Variants in ATM observed in about 807,000 individuals in gnomAD.
ATM encodes serine-protein kinase ATM.
ATM carries 308 observed loss-of-function variants against 387.0 expected under a neutral mutation model. The ratio of observed to expected loss-of-function variants is 0.80; its 90% CI spans 0.73 to 0.87. ATM has a LOEUF of 0.87. Among genes scored for constraint, ATM ranks in the 40% least tolerant of loss-of-function variants. ATM has a pLI of 0.00. For synonymous variants in ATM, 1,156 were observed against 1,187.3 expected, an observed-to-expected ratio of 0.97 and a Z score of 0.54; for missense variants, 3,312 against 3,560.9, an observed-to-expected ratio of 0.93 and a Z score of 1.78.
intron 36 of ATM, among the ~76,000 whole-genome samples, chr11:108,304,014 A>C (rs2083554362): frequency 6.6e-6 from 1 of 152,208 alleles, no homozygotes; most frequent in Non-Finnish European, 1.5e-5. Flanking sequence ...AAGTATGATG[A>C]ATATGATGGA....
At chr11:108,287,505 A>T in intron 26 of ATM, 95 bp from the exon 27 acceptor site, 1 of 747,026 alleles carries the variant, frequency 1.3e-6, no homozygotes, top group East Asian at 2.7e-5. Flanking sequence ...CAGTCATCGA[A>T]TACTTTTGGA....
rs754206007 is a variant in ATM, at chr11:108,258,981, T to C, written c.2377-5T>C. 1.9e-6 allele frequency: 3 copies of C among 1,611,220 alleles called. No individual in the cohort carries two copies. In the South Asian group the frequency reaches 3.3e-5, roughly 18 times the overall value. Reference sequence around the variant, plus strand: ...TGCTTGGTTCTTTGTTTGTCTTAATTGCAGAAGAGTCCAAATAAGATTGCA... The same window carrying C: ...TGCTTGGTTCTTTGTTTGTCTTAATCGCAGAAGAGTCCAAATAAGATTGCA... On this transcript the variant is annotated splice_region_variant and splice_polypyrimidine_tract_variant and intron_variant, in intron 15 of 62. Transcript: ENST00000675843.
intron 61 of ATM, among the ~76,000 whole-genome samples, chr11:108,357,015 G>A (rs1320638169): frequency 6.6e-6 from 1 of 152,214 alleles, no homozygotes; most frequent in East Asian, 1.9e-4. Context: ...GGTGATTTCT[G>A]CATTTCCATC....
Position 108,367,307 on chromosome 11 carries a change from C to T in ATM, c.*1799C>T, listed in dbSNP as rs114847811. On this transcript the variant is annotated 3_prime_UTR_variant, in exon 63 of 63. Coordinates refer to ENST00000675843, the MANE Select transcript of ATM (RefSeq NM_000051.4). ...CGGCCTCATTCCCCTCATTTTTGAC[C>T]GTAAGGATTTCCCCTTTCTTGTAAG... is the stretch of plus-strand genomic sequence containing the variant. The T allele has an allele frequency of 5.9e-3, 1,067 of 182,350 alleles. 16 individuals are homozygous for T. Among genetic ancestry groups the T allele is most frequent in the African/African-American group, 0.023 (975 of 42,532 alleles). 11.3% of individuals were successfully genotyped at this position (182,350 alleles called of 1,614,324 possible). A position where few individuals can be genotyped will look rare whatever the true frequency, so the allele number is the denominator to read the frequency against.
intron 59 of ATM, 42 bp from the exon 60 acceptor site, chr11:108,353,724 T>C: frequency 6.8e-7 from 1 of 1,462,658 alleles, no homozygotes; most frequent in Non-Finnish European, 9.6e-7. Context: ...GAAAGTAAAT[T>C]AGCTGTCAAA....
rs56326800 is a variant in ATM at position 108,227,539 on chromosome 11, T to C, written c.-30-56T>C. 1,109 of 1,097,380 alleles carry C rather than the reference T, an allele frequency of 1.0e-3. 16 individuals are homozygous for C. In the South Asian group the frequency reaches 0.014, roughly 14 times the overall value. 68.0% of individuals were successfully genotyped at this position (1,097,380 alleles called of 1,614,324 possible). A position where few individuals can be genotyped will look rare whatever the true frequency, so the allele number is the denominator to read the frequency against. ...ACACATTTTTTCACACCTCTTTCTC[T>C]CTATATATGCATATATACATATACA... is the stretch of plus-strand genomic sequence containing the variant. On this transcript the variant is annotated intron_variant, in intron 1 of 62. Transcript: ENST00000675843.
chr11:108,341,389 A>G (rs2087558934), intron 56 of ATM, among the ~76,000 whole-genome samples: 2 of 152,040 alleles, frequency 1.3e-5, no homozygotes, highest in South Asian at 2.1e-4. Context: ...TATACTTATT[A>G]TCTAATATTA....
At chr11:108,247,166 G>T in intron 8 of ATM, 39 bp downstream of exon 8, 1 of 1,609,418 alleles carries the variant, frequency 6.2e-7, no homozygotes, top group Non-Finnish European at 8.5e-7. Flanking sequence ...GAAATTTCCT[G>T]TTAATTTTTT....
Position 108,307,882 on chromosome 11 carries a change from A to G in ATM, c.5675-15A>G, listed in dbSNP as rs1565485867. On this transcript the variant is annotated splice_polypyrimidine_tract_variant and intron_variant, in intron 37 of 62. Transcript: ENST00000675843. The stretch of plus-strand genomic sequence containing the variant: ...AGAATGCCTGGGACTGAGGGGAGAT[A>G]TTTTTGTTTGTCAGAGTCAGAGCAC... 5 of 1,599,726 alleles carry G rather than the reference A, an allele frequency of 3.1e-6. No homozygotes were observed. Among genetic ancestry groups the G allele is most frequent in the Non-Finnish European group, 4.3e-6 (5 of 1,167,366 alleles).
At chr11:108,352,251 G>C (rs1436667616) in intron 59 of ATM, among the ~76,000 whole-genome samples, 2 of 152,108 alleles carry the variant, frequency 1.3e-5, no homozygotes, top group African/African-American at 2.4e-5. Flanking sequence ...AACACTGAAG[G>C]AACAATTACA....
Position 108,292,791 on chromosome 11 carries a change from C to T in ATM, c.4609C>T (p.Gln1537Ter), listed in dbSNP as rs1555100037. The change falls in exon 30 of 63, where the codon CAG becomes TAG. Residue 1537 changes from glutamine to a stop codon, truncating the protein, a stop_gained and splice_region_variant. Transcript: ENST00000675843. LOFTEE classifies it high-confidence loss of function. Reference protein sequence around the residue: ...LVYEQVEVQKQVLDLLKYLVI... With the variant: ...LVYEQVEVQK ...GTATGAGCAGGTGGAGGTTCAGAAA[C>T]AGGTAATTTTCTGACTCATCTTCAA... is the stretch of plus-strand genomic sequence containing the variant. 1 of 1,613,746 alleles carries T rather than the reference C, an allele frequency of 6.2e-7. No homozygotes were observed. The highest frequency in any genetic ancestry group is 8.5e-7 in the Non-Finnish European group (1 of 1,179,806).
intron 26 of ATM, chr11:108,287,380 T>C (rs917847855): frequency 1.1e-5 from 4 of 365,940 alleles, no homozygotes; most frequent in African/African-American, 8.5e-5. Flanking sequence ...GGGGCCTTGT[T>C]TGGCTGATTT....
rs1417555364 is a variant in ATM, at chr11:108,367,746, T to G, written c.*2238T>G. The G allele has an allele frequency of 9.2e-6, 2 of 217,010 alleles. No homozygotes were observed. The highest frequency in any genetic ancestry group is 2.3e-5 in the African/African-American group (1 of 44,424). The allele number at this position is 217,010 out of a possible 1,614,324, so 13.4% of individuals were successfully genotyped here. A position where few individuals can be genotyped will look rare whatever the true frequency, so the allele number is the denominator to read the frequency against. On this transcript the variant is annotated 3_prime_UTR_variant, in exon 63 of 63. Coordinates refer to ENST00000675843, the MANE Select transcript of ATM (RefSeq NM_000051.4). ...CTCCCCTAAAACCAATCTCCAGAAC[T>G]TTTTGGACTATAAATTTCTTGGTTT...
rs1060501683 is a variant in ATM at position 108,289,698 on chromosome 11, T to C, written c.4333T>C (p.Phe1445Leu). 3 of 1,613,572 alleles carry C rather than the reference T, an allele frequency of 1.9e-6. No individual in the cohort carries two copies. ...KHRILKIYHLFVSLLLKDIKS... is the reference protein window; with the variant it reads ...KHRILKIYHLLVSLLLKDIKS... ...CAGAATTCTTAAAATATATCACCTGTTTGTTAGTTTATTACTGAAAGATAT... is the reference window on the plus strand; with the variant it reads ...CAGAATTCTTAAAATATATCACCTGCTTGTTAGTTTATTACTGAAAGATAT... The change falls in exon 29 of 63, where the codon TTT (phenylalanine) becomes CTT (leucine). Residue 1445 changes from phenylalanine to leucine, a missense_variant. Coordinates refer to ENST00000675843, the MANE Select transcript of ATM (RefSeq NM_000051.4).
rs1049354348 is a variant in ATM at position 108,358,166 on chromosome 11, G to A, written c.8850+3292G>A. ...GAAGAATGCAGAAGCCTCAGGAGCC[G>A]ATGCGATCAACTGGAAGAAAGGGTA... On this transcript the variant is annotated intron_variant, in intron 61 of 62. Coordinates refer to ENST00000675843, the MANE Select transcript of ATM (RefSeq NM_000051.4). Among the ~76,000 whole-genome samples the A allele has an allele frequency of 1.6e-3, 234 of 150,554 alleles. 3 individuals are homozygous for A. The highest frequency in any genetic ancestry group is 4.5e-3 in the African/African-American group (186 of 40,908).
At position 108,362,969 on chromosome 11, in the gene ATM, AC is replaced by A. The variant is rs201210022; in HGVS notation, c.8851-2112del. On this transcript the variant is annotated intron_variant, in intron 61 of 62. Transcript: ENST00000675843. ...GTATAATTTAAAAAAAACTAAAAAA[AC>A]AAACAACAAAACAAACAAACAAAAA... Among the ~76,000 whole-genome samples the A allele has an allele frequency of 8.0e-3, 1,213 of 152,172 alleles. 8 individuals carry two copies. Among genetic ancestry groups the A allele is most frequent in the African/African-American group, 0.025 (1,034 of 41,502 alleles).
rs199782940 is a variant in ATM, at chr11:108,270,704, AT to A, written c.2839-351del. ...ATTTATGTTTATATACTTAAAAAAA[AT>A]TTTTTTTTGAGACGGAATCTCGCTC... On this transcript the variant is annotated intron_variant, in intron 18 of 62. Coordinates refer to ENST00000675843, the MANE Select transcript of ATM (RefSeq NM_000051.4). Among the ~76,000 whole-genome samples the A allele has an allele frequency of 0.013, 1,952 of 151,350 alleles. 53 individuals are homozygous for A. The highest frequency in any genetic ancestry group is 0.044 in the African/African-American group (1,814 of 41,346).
intron 32 of ATM, chr11:108,295,486 C>T (rs2083072981): frequency 5.8e-6 from 1 of 172,996 alleles, no homozygotes; most frequent in African/African-American, 2.4e-5. Flanking sequence ...ACCACTACAC[C>T]TAGCTACTTT....
intron 6 of ATM, 62 bp from the exon 7 acceptor site, chr11:108,244,724 CTG>C: frequency 8.0e-7 from 1 of 1,250,648 alleles, no homozygotes; most frequent in Non-Finnish European, 1.2e-6. Context: ...CACTTCATAA[CTG>C]TTCAGTTTGT....
Sources: gnomAD v4.1 joint callset for allele counts (sites outside exome capture counted in the v4.1 genomes callset) on GRCh38, gnomAD v4.1.1 for gene constraint, MANE v1.5 for transcripts, NCBI Gene and HGNC (gene_info 2026-07-23, HGNC 2026-07-21) for gene names.